The following SNX31 variants were observed in gnomAD, a reference collection of about 807,000 sequenced individuals.
SNX31 encodes sorting nexin-31.
A neutral mutation model predicts 65.4 loss-of-function variants in SNX31; 58 were observed. The observed-to-expected ratio is 0.89, with a 90% CI of 0.72 to 1.10. SNX31 has a LOEUF of 1.10. Among genes scored for constraint, SNX31 ranks in the 50% least tolerant of loss-of-function variants. SNX31 has a pLI of 0.00. For missense variants in SNX31, 523 were observed against 529.7 expected (o/e 0.99, Z 0.12); for synonymous variants, 181 against 190.1 (o/e 0.95, Z 0.39).
In SNX31 at chr8:100,606,815, T is replaced by C. The variant is rs377602465; in HGVS notation, c.681+1679A>G. On this transcript the variant is annotated intron_variant, in intron 8 of 13. Coordinates refer to ENST00000311812, the MANE Select transcript of SNX31 (RefSeq NM_152628.4). ...CAATCTTTTGGCAGCAAATCTAATG[T>C]TTTTCTTCCTGAAAGTGTGGATGGT... Among the ~76,000 whole-genome samples the C allele has an allele frequency of 6.3e-4, 96 of 152,352 alleles. 2 individuals carry two copies. Among genetic ancestry groups the C allele is most frequent in the African/African-American group, 2.1e-3 (88 of 41,578 alleles).
chr8:100,625,343 T>C lies in SNX31; in HGVS notation c.321+4984A>G, dbSNP rs1817976325. Reference sequence around the variant, plus strand: ...AATGACAGCGGCCCATCATTGCATGTGATGGAGGTTTAGAGCCTGGTGAGT... The same window carrying C: ...AATGACAGCGGCCCATCATTGCATGCGATGGAGGTTTAGAGCCTGGTGAGT... On this transcript the variant is annotated intron_variant, in intron 4 of 13. Transcript: ENST00000311812. This position sits in a 1 kb window ranked among gnomAD's most constrained non-coding sequence, Gnocchi z 4.2. Among the ~76,000 whole-genome samples, 1 of 151,706 alleles carries C rather than the reference T, an allele frequency of 6.6e-6. No homozygotes were observed. Among genetic ancestry groups the C allele is most frequent in the Admixed American group, 6.6e-5 (1 of 15,228 alleles).
intron 4 of SNX31, among the ~76,000 whole-genome samples, chr8:100,628,930 T>G (rs1025829370): frequency 2.0e-5 from 3 of 151,990 alleles, no homozygotes; most frequent in Non-Finnish European, 4.4e-5. Context: ...TAGTACCATA[T>G]TTTTACTGTG....
At chr8:100,587,173 T>A (rs925481812) in intron 11 of SNX31, among the ~76,000 whole-genome samples, 3 of 152,186 alleles carry the variant, frequency 2.0e-5, no homozygotes, top group Non-Finnish European at 2.9e-5. Flanking sequence ...GTTCCCAGAC[T>A]CCCTTGCAGC....
chr8:100,577,709 C>A (rs566777619), intron 12 of SNX31, among the ~76,000 whole-genome samples: 3 of 152,264 alleles, frequency 2.0e-5, no homozygotes, highest in South Asian at 2.1e-4. Context: ...CACCTCTAGG[C>A]CTGAAGGGGC....
intron 8 of SNX31, among the ~76,000 whole-genome samples, chr8:100,607,621 A>T (rs1435817550): frequency 6.6e-6 from 1 of 152,224 alleles, no homozygotes; most frequent in Non-Finnish European, 1.5e-5. Flanking sequence ...ATAGTAAAAA[A>T]CATTAATTGT....
chr8:100,589,217 C>T (rs1017381212), intron 10 of SNX31, among the ~76,000 whole-genome samples: 17 of 148,778 alleles, frequency 1.1e-4, no homozygotes, highest in Non-Finnish European at 1.5e-5. Context: ...AGGAGAACCA[C>T]TTGCACTAGG....
intron 2 of SNX31, among the ~76,000 whole-genome samples, chr8:100,647,526 GT>G (rs1402454345): frequency 6.6e-6 from 1 of 152,162 alleles, no homozygotes; most frequent in Non-Finnish European, 1.5e-5. Context: ...AGATTCAGGA[GT>G]GCTTGAAGCC....
At chr8:100,605,818 C>G (rs902632945) in intron 8 of SNX31, among the ~76,000 whole-genome samples, 1 of 152,132 alleles carries the variant, frequency 6.6e-6, no homozygotes, top group Non-Finnish European at 1.5e-5. Context: ...AAGCTCTGAC[C>G]TCTCATCACA....
chr8:100,601,143 ACAC>A (rs1815589011), intron 8 of SNX31, among the ~76,000 whole-genome samples: 1 of 152,272 alleles, frequency 6.6e-6, no homozygotes, highest in African/African-American at 2.4e-5. Context: ...ATAGTGGCAA[ACAC>A]ATGTACAGTG....
exon 1 of SNX31, chr8:100,663,247 C>A (rs200676534): frequency 2.7e-5 from 4 of 148,952 alleles, no homozygotes; most frequent in Non-Finnish European, 5.9e-5. Flanking sequence ...ATACCCCCCC[C>A]AATCCAAAAT....
intron 8 of SNX31, 56 bp from the exon 9 acceptor site, chr8:100,600,497 A>T (rs527440862): frequency 7.2e-7 from 1 of 1,397,862 alleles, no homozygotes; most frequent in African/African-American, 1.4e-5. Flanking sequence ...AATCAATCTG[A>T]CAAAAACATA....
At chr8:100,605,535 G>A (rs901989031) in intron 8 of SNX31, among the ~76,000 whole-genome samples, 3 of 152,184 alleles carry the variant, frequency 2.0e-5, no homozygotes, top group Non-Finnish European at 4.4e-5. Context: ...GTCTATTAAA[G>A]CTTGGAGAAA....
intron 9 of SNX31, among the ~76,000 whole-genome samples, chr8:100,598,592 G>T (rs1272071049): frequency 6.6e-6 from 1 of 151,932 alleles, no homozygotes; most frequent in Non-Finnish European, 1.5e-5. Context: ...ATAAAAGGGT[G>T]TTGTGATATT....
At chr8:100,580,716 T>G (rs1299078645) in intron 12 of SNX31, among the ~76,000 whole-genome samples, 1 of 152,206 alleles carries the variant, frequency 6.6e-6, no homozygotes, top group African/African-American at 2.4e-5. Flanking sequence ...GTTGATATTA[T>G]GGAGCCACCC....
chr8:100,581,311 T>TATATA lies in SNX31; in HGVS notation c.1170+2799_1170+2800insTATAT, dbSNP rs56949626. ...GTGACCCTGTCTTTAAAAAAATTTT[T>TATATA]TATATATCTATATCTATCTATCTAT... On this transcript the variant is annotated intron_variant, in intron 12 of 13. Transcript: ENST00000311812. 1.3e-3 allele frequency among the ~76,000 whole-genome samples: 154 copies of TATATA among 122,636 alleles called. 1 individual carries two copies. Among genetic ancestry groups the TATATA allele is most frequent in the African/African-American group, 7.0e-3 (149 of 21,406 alleles). 80.5% of individuals were successfully genotyped at this position (122,636 alleles called of 152,430 possible). A position where few individuals can be genotyped will look rare whatever the true frequency, so the allele number is the denominator to read the frequency against.
upstream of SNX31, among the ~76,000 whole-genome samples, chr8:100,651,914 C>A (rs34041620): frequency 0.29 from 43,381 of 152,116 alleles, 7,043 homozygotes; most frequent in African/African-American, 0.43. Context: ...CTCTGTGAAG[C>A]TGCTTTTCAG....
chr8:100,618,023 C>T (rs1263323272), intron 4 of SNX31: 1 of 964,798 alleles, frequency 1.0e-6, no homozygotes, highest in South Asian at 4.8e-5. Flanking sequence ...TCCTTGGCCT[C>T]CCAAAGTGTT....
At chr8:100,633,664 C>T (rs1818560106) in intron 3 of SNX31, among the ~76,000 whole-genome samples, 1 of 152,034 alleles carries the variant, frequency 6.6e-6, no homozygotes, top group Non-Finnish European at 1.5e-5. Context: ...CTCAGCCTCC[C>T]AAAGTCACAA....
At position 100,660,235 on chromosome 8, in the gene SNX31, A is replaced by G. The variant is rs911969024; in HGVS notation, c.-58+2907T>C. Reference sequence around the variant, plus strand: ...CTTCACACCTACCCACAGATTAGCTAATGGTATTAGCAGTAGTAATAATAG... The same window carrying G: ...CTTCACACCTACCCACAGATTAGCTGATGGTATTAGCAGTAGTAATAATAG... On this transcript the variant is annotated intron_variant, in intron 1 of 5. Transcript: ENST00000520352. This position sits in a 1 kb window ranked among gnomAD's most constrained non-coding sequence, Gnocchi z 4.1. Among the ~76,000 whole-genome samples, 1 of 152,200 alleles carries G rather than the reference A, an allele frequency of 6.6e-6. No homozygotes were observed. The highest frequency in any genetic ancestry group is 1.5e-5 in the Non-Finnish European group (1 of 68,044).
Sources: allele counts gnomAD v4.1 joint callset (sites outside exome capture counted in the v4.1 genomes callset), GRCh38; gene constraint gnomAD v4.1.1; non-coding constraint Gnocchi (gnomAD v3.1); transcripts MANE v1.5; gene names NCBI Gene and HGNC (gene_info 2026-07-23, HGNC 2026-07-21).